ORC1: variants seen among roughly 807,000 people sequenced by gnomAD.
ORC1 encodes the protein origin recognition complex, subunit 1 homolog.
Under a neutral mutation model 98.9 loss-of-function variants are expected in ORC1, and 61 were observed. That is an observed-to-expected ratio of 0.62 (90% CI 0.50 to 0.76). The LOEUF (loss-of-function observed/expected upper bound fraction) is 0.76, where lower values mean the gene tolerates loss of function less well. ORC1 is among the 30% of genes least tolerant of loss of function. ORC1 has a pLI of 0.00. For synonymous variants in ORC1, 385 were observed against 406.9 expected (o/e 0.95, Z 0.65); for missense variants, 979 against 1,072.2 (o/e 0.91, Z 1.21).
chr1:52,389,631 G>A (rs1224509095), intron 6 of ORC1, among the ~76,000 whole-genome samples: 2 of 152,114 alleles, frequency 1.3e-5, no homozygotes, highest in Non-Finnish European at 2.9e-5. Flanking sequence ...TGTTTCTGAT[G>A]CATGCATGAA....
upstream of ORC1, chr1:52,405,956 T>G: frequency 2.2e-6 from 2 of 891,546 alleles, no homozygotes; most frequent in Non-Finnish European, 3.5e-6. Context: ...CCACTCCAGA[T>G]TTTTGCTTTT....
rs182667806 is a variant in ORC1, at chr1:52,398,153, G to A, written c.224-290C>T. Among the ~76,000 whole-genome samples, 6 of 152,150 alleles carry A rather than the reference G, an allele frequency of 3.9e-5. No homozygotes were observed. In the East Asian group the frequency reaches 1.2e-3, roughly 29 times the overall value. Reference sequence around the variant, plus strand: ...TAATTTTTGTATTTTCAGTAGAAACGAGGTCTCACCACGTTGGCCAGGCTG... The same window carrying A: ...TAATTTTTGTATTTTCAGTAGAAACAAGGTCTCACCACGTTGGCCAGGCTG... On this transcript the variant is annotated intron_variant, in intron 3 of 16. Coordinates refer to ENST00000371568, the MANE Select transcript of ORC1 (RefSeq NM_004153.4).
At position 52,401,824 on chromosome 1, in the gene ORC1, G is replaced by A. The variant is rs566949916; in HGVS notation, c.95+305C>T. Among the ~76,000 whole-genome samples the A allele has an allele frequency of 1.1e-4, 16 of 152,208 alleles. No individual in the cohort carries two copies. The South Asian group carries it at 3.1e-3, about 30-fold the overall frequency. ...CAAATTGTCAGAGATCTCCAGGGCTGGGAAAGACATAGTAAAAACATCTAT... is the reference window on the plus strand; with the variant it reads ...CAAATTGTCAGAGATCTCCAGGGCTAGGAAAGACATAGTAAAAACATCTAT... On this transcript the variant is annotated intron_variant, in intron 2 of 16. Transcript: ENST00000371568.
At position 52,393,526 on chromosome 1, in the gene ORC1, C is replaced by T. The variant is rs373454397; in HGVS notation, c.999G>A (p.Glu333=). The T allele has an allele frequency of 8.1e-6, 13 of 1,614,198 alleles. No individual in the cohort carries two copies. The African/African-American group carries it at 1.6e-4, about 20-fold the overall frequency. ...AASKTIDIRE[E]RTLTPISGGQ... ...CCCCACTGATAGGGGTAAGTGTTCT[C>T]TCCTCTCTAATGTCTATGGTTTTCG... Residue 333 remains glutamate (E), a synonymous_variant, in exon 6 of 17, where the codon GAG becomes GAA. Coordinates refer to ENST00000371568, the MANE Select transcript of ORC1 (RefSeq NM_004153.4).
In ORC1 at chr1:52,385,883, G is replaced by A. The variant is rs771676941; in HGVS notation, c.1450C>T (p.Pro484Ser). Reference protein sequence around the residue: ...IRSRSLAAQEPASVLEEARLR... With the variant: ...IRSRSLAAQESASVLEEARLR... ...CGGGCTTCCTCCAGCACACTGGCTG[G>A]CTCCTGGGCAGCCAGGCTTCGACTA... Residue 484 changes from proline to serine, a missense_variant, in exon 9 of 17, where the codon CCA (proline) becomes TCA (serine). Transcript: ENST00000371568. The A allele has an allele frequency of 2.5e-6, 4 of 1,613,692 alleles. No individual in the cohort carries two copies. The highest frequency in any genetic ancestry group is 3.4e-6 in the Non-Finnish European group (4 of 1,179,876).
upstream of ORC1, among the ~76,000 whole-genome samples, chr1:52,406,242 C>A (rs527603169): frequency 8.5e-5 from 13 of 152,096 alleles, no homozygotes; most frequent in East Asian, 9.7e-4. Context: ...CCTCCCCCCC[C>A]GGGCCTCCCA....
At chr1:52,408,554 T>C, upstream of ORC1, 3 of 1,614,064 alleles carry the variant, frequency 1.9e-6, no homozygotes, top group Non-Finnish European at 2.5e-6. Context: ...TGTTTCACTG[T>C]CATCTGTCTC....
At chr1:52,405,568 C>T (rs1647959525), upstream of ORC1, 2 of 930,488 alleles carry the variant, frequency 2.1e-6, no homozygotes, top group South Asian at 1.6e-5. Context: ...CATTCGTTCT[C>T]CTAATATTAC....
chr1:52,400,617 G>T (rs1033039757), intron 3 of ORC1, among the ~76,000 whole-genome samples: 3 of 152,204 alleles, frequency 2.0e-5, no homozygotes, highest in African/African-American at 7.2e-5. Flanking sequence ...GGCAGTTTTA[G>T]ATAGTTTCAA....
In ORC1 at chr1:52,374,483, G is replaced by A. The variant is rs116843669; in HGVS notation, c.2391+327C>T. 9.8e-5 allele frequency among the ~76,000 whole-genome samples: 15 copies of A among 152,304 alleles called. No individual in the cohort carries two copies. In the East Asian group the frequency reaches 2.7e-3, roughly 27 times the overall value. Reference sequence around the variant, plus strand: ...GCCCATGCAGGGATTGGATTGATCTGTGATTTGTTCTCAAATATGGCCTCA... The same window carrying A: ...GCCCATGCAGGGATTGGATTGATCTATGATTTGTTCTCAAATATGGCCTCA... On this transcript the variant is annotated intron_variant, in intron 16 of 16. Transcript: ENST00000371568.
At chr1:52,406,903 A>G (rs1391658535), upstream of ORC1, among the ~76,000 whole-genome samples, 1 of 152,250 alleles carries the variant, frequency 6.6e-6, no homozygotes, top group Non-Finnish European at 1.5e-5. Flanking sequence ...TTCAGAGTTC[A>G]TATTCTTTGC....
chr1:52,402,354 C>T, intron 1 of ORC1, 126 bp from the exon 2 acceptor site: 2 of 745,388 alleles, frequency 2.7e-6, no homozygotes, highest in South Asian at 1.5e-5. Flanking sequence ...TGCTACACTC[C>T]CATACATTTT....
rs919127400 is a variant in ORC1 at position 52,383,409 on chromosome 1, C to T, written c.2013+11G>A. 1 of 1,612,242 alleles carries T rather than the reference C, an allele frequency of 6.2e-7. No homozygotes were observed. The highest frequency in any genetic ancestry group is 8.5e-7 in the Non-Finnish European group (1 of 1,179,984). ...CTGCAAGAACAGCATGGGAACTGCC[C>T]TAGAACCTACCAGTCGGCTGGACAC... On this transcript the variant is annotated intron_variant, in intron 13 of 16. Transcript: ENST00000371568.
intron 8 of ORC1, 33 bp from the exon 9 acceptor site, chr1:52,385,982 G>A (rs1381530274): frequency 3.2e-6 from 5 of 1,538,814 alleles, no homozygotes; most frequent in African/African-American, 2.7e-5. Context: ...ATTTCACAAG[G>A]AAAAAGCAAA....
At chr1:52,376,513 C>G (rs1167333878) in intron 14 of ORC1, among the ~76,000 whole-genome samples, 5 of 151,896 alleles carry the variant, frequency 3.3e-5, no homozygotes, top group Non-Finnish European at 7.4e-5. Context: ...AAAAAAAAAT[C>G]ACTTTCCAAG....
Position 52,375,498 on chromosome 1 carries a change from C to T in ORC1, c.2235G>A (p.Leu745=). Residue 745 remains leucine (L), a synonymous_variant, in exon 15 of 17, where the codon CTG becomes CTA. Transcript: ENST00000371568. ...CTTCCATTGAGTGGGCTATGGTGAC[C>T]AGGCCAGGGGAGTCAGGCTTCTGCT... The part of the protein sequence containing the change: ...FSQQKPDSPG[L]VTIAHSMEAV... 1 of 1,614,116 alleles carries T rather than the reference C, an allele frequency of 6.2e-7. No individual in the cohort carries two copies. Among genetic ancestry groups the T allele is most frequent in the Non-Finnish European group, 8.5e-7 (1 of 1,180,014 alleles).
rs1647388263 is a variant in ORC1 at position 52,396,203 on chromosome 1, T to G, written c.564A>C (p.Lys188Asn). The part of the protein sequence containing the change: ...KPQESAAKCQ[K>N]PVRAKSKSAE... The stretch of plus-strand genomic sequence containing the variant: ...CACTCTTACTCTTGGCTCTCACGGG[T>G]TTCTGGCACTTGGCTGCACTCTCTT... The change falls in exon 5 of 17, where the codon AAA becomes AAC. Residue 188 changes from lysine to asparagine, a missense_variant. Physicochemically the swap from Lys to Asn is moderately conservative, Grantham distance 94. Coordinates refer to ENST00000371568, the MANE Select transcript of ORC1 (RefSeq NM_004153.4). 1 of 1,614,144 alleles carries G rather than the reference T, an allele frequency of 6.2e-7. No individual in the cohort carries two copies. The highest frequency in any genetic ancestry group is 8.5e-7 in the Non-Finnish European group (1 of 1,180,010).
At chr1:52,395,187 A>G (rs1647337260) in intron 5 of ORC1, among the ~76,000 whole-genome samples, 1 of 152,176 alleles carries the variant, frequency 6.6e-6, no homozygotes, top group African/African-American at 2.4e-5. Context: ...TTTCAGATAC[A>G]TTGTAAGGGG....
intron 1 of ORC1, 30 bp from the exon 2 acceptor site, chr1:52,402,258 A>C: frequency 1.3e-6 from 2 of 1,511,744 alleles, no homozygotes; most frequent in South Asian, 1.1e-5. Context: ...CTGAGTTACC[A>C]TGATAAATAT....
Sources: gnomAD v4.1 joint callset for allele counts (sites outside exome capture counted in the v4.1 genomes callset) on GRCh38, gnomAD v4.1.1 for gene constraint, MANE v1.5 for transcripts, NCBI Gene and HGNC (gene_info 2026-07-23, HGNC 2026-07-21) for gene names.